Variants in NUBPL observed in about 807,000 individuals in gnomAD.
The protein encoded by NUBPL is NUBP iron-sulfur cluster assembly factor, mitochondrial, also known as iron-sulfur cluster transfer protein NUBPL.
A neutral mutation model predicts 45.7 loss-of-function variants in NUBPL; 31 were observed. The ratio of observed to expected loss-of-function variants is 0.68; its 90% CI spans 0.51 to 0.92. The LOEUF is 0.92. NUBPL is among the 40% of genes least tolerant of loss of function. The pLI, the probability that NUBPL is intolerant of heterozygous loss-of-function variation, is 0.00. For missense variants in NUBPL, 401 were observed against 398.7 expected, an observed-to-expected ratio of 1.01 and a Z score of -0.05; for synonymous variants, 144 against 140.9, an observed-to-expected ratio of 1.02 and a Z score of -0.15.
intron 6 of NUBPL, among the ~76,000 whole-genome samples, chr14:31,763,659 A>T (rs893062551): frequency 1.3e-5 from 2 of 152,184 alleles, no homozygotes; most frequent in African/African-American, 4.8e-5. Flanking sequence ...TACTGAGAGT[A>T]TGTCTTGTTT....
At chr14:31,715,115 C>T (rs2037659008) in intron 6 of NUBPL, among the ~76,000 whole-genome samples, 2 of 152,130 alleles carry the variant, frequency 1.3e-5, no homozygotes, top group African/African-American at 4.8e-5. Flanking sequence ...TTTAAAAATT[C>T]CTGTATATAC....
intron 3 of NUBPL, among the ~76,000 whole-genome samples, chr14:31,575,340 A>G (rs2139476059): frequency 6.6e-6 from 1 of 152,354 alleles, no homozygotes. Flanking sequence ...ATAGTATCTA[A>G]TAGTCCAGCA....
intron 6 of NUBPL, among the ~76,000 whole-genome samples, chr14:31,676,497 T>G (rs562672183): frequency 6.6e-6 from 1 of 152,204 alleles, no homozygotes; most frequent in African/African-American, 2.4e-5. Context: ...GTCTCCAGTT[T>G]TGGGCTATTG....
intron 8 of NUBPL, among the ~76,000 whole-genome samples, chr14:31,833,874 G>T (rs895385618): frequency 1.3e-5 from 2 of 152,150 alleles, no homozygotes; most frequent in Non-Finnish European, 2.9e-5. Flanking sequence ...ATGGCCACAT[G>T]TCATATCTCT....
chr14:31,623,589 CT>C (rs148973472), intron 4 of NUBPL, among the ~76,000 whole-genome samples: 1 of 152,224 alleles, frequency 6.6e-6, no homozygotes, highest in African/African-American at 2.4e-5. Context: ...CTCTTTCTTT[CT>C]TTTTTTGCTG....
At chr14:31,838,751 TA>T (rs1480935022) in intron 8 of NUBPL, among the ~76,000 whole-genome samples, 1 of 152,206 alleles carries the variant, frequency 6.6e-6, no homozygotes, top group Non-Finnish European at 1.5e-5. Context: ...TTGTAAACTT[TA>T]AAAATTATTC....
chr14:31,778,173 A>G (rs958926024), intron 6 of NUBPL, among the ~76,000 whole-genome samples: 1 of 152,264 alleles, frequency 6.6e-6, no homozygotes, highest in Non-Finnish European at 1.5e-5. Flanking sequence ...GGGAATTTGC[A>G]TAAGATCTGT....
intron 8 of NUBPL, among the ~76,000 whole-genome samples, chr14:31,830,045 C>T (rs1185214428): frequency 6.6e-6 from 1 of 152,162 alleles, no homozygotes; most frequent in East Asian, 1.9e-4. Flanking sequence ...AGCCCTTCTC[C>T]TACCATTTGA....
In NUBPL at chr14:31,650,125, C is replaced by T. The variant is rs1203261836; in HGVS notation, c.383-23230C>T. On this transcript the variant is annotated intron_variant, in intron 4 of 10. Transcript: ENST00000281081. ...CTGCCTGCCTCAGCCTCCCAAGATTCACTTTTTCAGGGATAATCATGTTGT... is the reference window on the plus strand; with the variant it reads ...CTGCCTGCCTCAGCCTCCCAAGATTTACTTTTTCAGGGATAATCATGTTGT... 2.0e-5 allele frequency among the ~76,000 whole-genome samples: 3 copies of T among 152,092 alleles called. No homozygotes were observed. The East Asian group carries it at 5.8e-4, about 29-fold the overall frequency.
At chr14:31,799,014 G>C (rs1420059574) in intron 7 of NUBPL, among the ~76,000 whole-genome samples, 1 of 151,626 alleles carries the variant, frequency 6.6e-6, no homozygotes, top group South Asian at 2.1e-4. Context: ...TTTTTTTGTG[G>C]GACAGGGCAG....
chr14:31,792,851 A>G (rs757548123), intron 7 of NUBPL, among the ~76,000 whole-genome samples: 9 of 152,246 alleles, frequency 5.9e-5, no homozygotes. Flanking sequence ...CAGATAGCAT[A>G]TCTAAAAAGG....
chr14:31,575,233 A>G (rs1024015114), intron 3 of NUBPL, among the ~76,000 whole-genome samples: 53 of 152,330 alleles, frequency 3.5e-4, no homozygotes, highest in African/African-American at 1.3e-3. Context: ...TTCAAGATTT[A>G]GGTTTTGATT....
At position 31,724,412 on chromosome 14, in the gene NUBPL, A is replaced by G. The variant is rs1294372423; in HGVS notation, c.513+50838A>G. On this transcript the variant is annotated intron_variant, in intron 6 of 10. Transcript: ENST00000281081. ...TTTTGAAGGCATTTTATTGATTATA[A>G]TTATAATCTCATGCCACTGGCTCTT... Among the ~76,000 whole-genome samples the G allele has an allele frequency of 2.0e-5, 3 of 151,208 alleles. No homozygotes were observed. In the Admixed American group the frequency reaches 2.0e-4, roughly 10 times the overall value.
intron 6 of NUBPL, among the ~76,000 whole-genome samples, chr14:31,760,803 A>G (rs1453854428): frequency 6.6e-6 from 1 of 151,694 alleles, no homozygotes; most frequent in Non-Finnish European, 1.5e-5. Context: ...TATTTACCAG[A>G]TCTGGCTCCA....
chr14:31,778,315 C>G (rs1378279883), intron 6 of NUBPL, among the ~76,000 whole-genome samples: 3 of 152,004 alleles, frequency 2.0e-5, no homozygotes. Flanking sequence ...CAGACAAAAA[C>G]AAACAAACAA....
chr14:31,793,916 T>G (rs553139134), intron 7 of NUBPL, among the ~76,000 whole-genome samples: 2 of 98,136 alleles, frequency 2.0e-5, no homozygotes, highest in African/African-American at 4.1e-5. Flanking sequence ...GAGTGTGATA[T>G]TCCCCTTCCT....
At chr14:31,729,888 GAAT>G (rs1266264019) in intron 6 of NUBPL, among the ~76,000 whole-genome samples, 3 of 152,002 alleles carry the variant, frequency 2.0e-5, no homozygotes, top group Non-Finnish European at 4.4e-5. Flanking sequence ...GTTGAATTTT[GAAT>G]AATAACAGTG....
intron 4 of NUBPL, among the ~76,000 whole-genome samples, chr14:31,667,377 C>T (rs937756497): frequency 7.2e-5 from 11 of 151,872 alleles, no homozygotes; most frequent in African/African-American, 1.9e-4. Context: ...ATGAAGTTCT[C>T]GTGCTGTGTT....
chr14:31,671,731 A>G (rs1188638457), intron 4 of NUBPL, among the ~76,000 whole-genome samples: 1 of 152,242 alleles, frequency 6.6e-6, no homozygotes, highest in Non-Finnish European at 1.5e-5. Context: ...GAAGGAAACT[A>G]TAAACATACA....
Sources: allele counts gnomAD v4.1 joint callset (sites outside exome capture counted in the v4.1 genomes callset), GRCh38; gene constraint gnomAD v4.1.1; transcripts MANE v1.5; gene names NCBI Gene and HGNC (gene_info 2026-07-23, HGNC 2026-07-21).